Variants in GABRG3 observed in about 807,000 individuals in gnomAD.
GABRG3 encodes gamma-aminobutyric acid receptor subunit gamma-3.
A neutral mutation model predicts 48.8 loss-of-function variants in GABRG3; 25 were observed. That is an observed-to-expected ratio of 0.51 (90% CI 0.37 to 0.72). GABRG3 has a LOEUF of 0.72. Among genes scored for constraint, GABRG3 ranks in the 30% least tolerant of loss-of-function variants. GABRG3 has a pLI of 0.00. For missense variants in GABRG3, 394 were observed against 577.9 expected (o/e 0.68, Z 3.26); for synonymous variants, 227 against 217.6 (o/e 1.04, Z -0.38).
At chr15:27,523,567 T>A (rs1595810046) in intron 7 of GABRG3, among the ~76,000 whole-genome samples, 1 of 151,976 alleles carries the variant, frequency 6.6e-6, no homozygotes, top group Non-Finnish European at 1.5e-5. Flanking sequence ...ATTATCTGAC[T>A]AGGATTTTAA....
chr15:27,313,648 A>T (rs1893108452), intron 3 of GABRG3, among the ~76,000 whole-genome samples: 1 of 151,964 alleles, frequency 6.6e-6, no homozygotes, highest in African/African-American at 2.4e-5. Flanking sequence ...TTCCAAACAC[A>T]ATGAAATGAA....
intron 6 of GABRG3, among the ~76,000 whole-genome samples, chr15:27,512,448 T>TC (rs1401942496): frequency 6.6e-6 from 1 of 152,158 alleles, no homozygotes; most frequent in Non-Finnish European, 1.5e-5. Context: ...GTGGAGCTGC[T>TC]TGTTACAGAG....
chr15:27,450,357 C>T (rs1029993048), intron 5 of GABRG3, among the ~76,000 whole-genome samples: 9 of 152,260 alleles, frequency 5.9e-5, no homozygotes, highest in African/African-American at 1.9e-4. Flanking sequence ...TTAAAGAGAT[C>T]GTACACCATG....
chr15:27,054,940 A>G (rs1250478081), intron 3 of GABRG3, among the ~76,000 whole-genome samples: 1 of 151,716 alleles, frequency 6.6e-6, no homozygotes, highest in Non-Finnish European at 1.5e-5. Context: ...GCCACAAAGC[A>G]AGAGCGTCAA....
At chr15:27,388,650 T>G in intron 5 of GABRG3, among the ~76,000 whole-genome samples, 1 of 152,110 alleles carries the variant, frequency 6.6e-6, no homozygotes, top group East Asian at 1.9e-4. Context: ...CTGTGTTATC[T>G]TACCCCACAA....
At chr15:27,290,416 C>A (rs560295994) in intron 3 of GABRG3, among the ~76,000 whole-genome samples, 1 of 151,838 alleles carries the variant, frequency 6.6e-6, no homozygotes, top group South Asian at 2.1e-4. Flanking sequence ...GTGAAAGGGG[C>A]AAGAAAGTGA....
chr15:27,104,372 G>A (rs776255418), intron 3 of GABRG3, among the ~76,000 whole-genome samples: 2 of 152,220 alleles, frequency 1.3e-5, no homozygotes, highest in Admixed American at 1.3e-4. Context: ...CCAAAGTGGC[G>A]CGTGAGTTTG....
chr15:27,405,522 T>A (rs962667018), intron 5 of GABRG3, among the ~76,000 whole-genome samples: 3 of 152,190 alleles, frequency 2.0e-5, no homozygotes, highest in African/African-American at 7.2e-5. Context: ...ATGGTGTTCA[T>A]CCTCTGTGTC....
chr15:27,518,645 C>T (rs919838215), intron 6 of GABRG3, among the ~76,000 whole-genome samples: 3 of 151,980 alleles, frequency 2.0e-5, no homozygotes, highest in African/African-American at 7.3e-5. Flanking sequence ...AAAAGAAGAG[C>T]ATGCTATGCA....
intron 5 of GABRG3, among the ~76,000 whole-genome samples, chr15:27,392,259 A>G (rs940111261): frequency 6.6e-6 from 1 of 152,146 alleles, no homozygotes; most frequent in Non-Finnish European, 1.5e-5. Context: ...CTGTTCTAGG[A>G]TCCTGTCCAA....
chr15:27,498,784 G>A (rs1890549414), intron 6 of GABRG3, among the ~76,000 whole-genome samples: 1 of 152,108 alleles, frequency 6.6e-6, no homozygotes, highest in Non-Finnish European at 1.5e-5. Flanking sequence ...GAGATTACAG[G>A]TGTGAGCCAC....
At chr15:27,076,318 CTTTTTTT>C (rs1230817571) in intron 3 of GABRG3, among the ~76,000 whole-genome samples, 1 of 106,474 alleles carries the variant, frequency 9.4e-6, no homozygotes, top group South Asian at 3.1e-4. Flanking sequence ...AGCCAACTGT[CTTTTTTT>C]TTTTTTTTTT....
intron 3 of GABRG3, among the ~76,000 whole-genome samples, chr15:27,079,091 G>A (rs539631421): frequency 4.6e-5 from 7 of 152,098 alleles, no homozygotes; most frequent in African/African-American, 9.7e-5. Context: ...GCATAGAACC[G>A]TTTCCCCCAG....
intron 3 of GABRG3, among the ~76,000 whole-genome samples, chr15:27,055,006 GTT>G (rs150102149): frequency 0.046 from 6,496 of 141,064 alleles, 412 homozygotes; most frequent in African/African-American, 0.15. Context: ...GCCAAGACCT[GTT>G]TTTTTTTTTT....
chr15:27,262,467 CAG>C (rs1185762608), intron 3 of GABRG3, among the ~76,000 whole-genome samples: 1 of 152,200 alleles, frequency 6.6e-6, no homozygotes, highest in East Asian at 1.9e-4. Flanking sequence ...TCTCAGGACC[CAG>C]TTCTGCAGCG....
intron 5 of GABRG3, among the ~76,000 whole-genome samples, chr15:27,351,233 G>A (rs1039502113): frequency 6.8e-6 from 1 of 147,946 alleles, no homozygotes; most frequent in Non-Finnish European, 1.5e-5. Context: ...TGGTGTGTGT[G>A]TTTGTGTGTA....
intron 6 of GABRG3, among the ~76,000 whole-genome samples, chr15:27,491,282 A>G (rs1890348027): frequency 6.6e-6 from 1 of 152,184 alleles, no homozygotes; most frequent in East Asian, 1.9e-4. Context: ...ACATTCATTC[A>G]GTCAACCTAC....
At chr15:27,124,635 T>G (rs1043180859) in intron 3 of GABRG3, among the ~76,000 whole-genome samples, 1 of 152,180 alleles carries the variant, frequency 6.6e-6, no homozygotes, top group African/African-American at 2.4e-5. Context: ...TTTCAGAGCC[T>G]GACTCAGCGC....
intron 3 of GABRG3, among the ~76,000 whole-genome samples, chr15:27,173,044 A>G (rs1887625056): frequency 6.6e-6 from 1 of 152,188 alleles, no homozygotes; most frequent in African/African-American, 2.4e-5. Context: ...CTGTGAATGC[A>G]CTTAAACAAA....
Sources: allele counts gnomAD v4.1 joint callset (sites outside exome capture counted in the v4.1 genomes callset), GRCh38; gene constraint gnomAD v4.1.1; transcripts MANE v1.5; gene names NCBI Gene and HGNC (gene_info 2026-07-23, HGNC 2026-07-21).